SLC6A7: variants seen among roughly 807,000 people sequenced by gnomAD.
SLC6A7 encodes the protein sodium-dependent proline transporter.
A neutral mutation model predicts 73.1 loss-of-function variants in SLC6A7; 58 were observed. The observed-to-expected ratio is 0.79, with a 90% CI of 0.64 to 0.99. The LOEUF (loss-of-function observed/expected upper bound fraction) is 0.99, where lower values mean the gene tolerates loss of function less well. Ranked by LOEUF, SLC6A7 falls within the 50% of genes least tolerant of loss-of-function variation. The pLI is 0.00. For missense variants in SLC6A7, 783 were observed against 831.4 expected (o/e 0.94, Z 0.72); for synonymous variants, 338 against 338.7 (o/e 1.00, Z 0.02).
chr5:150,206,894 C>T (rs1175232018), intron 13 of SLC6A7, among the ~76,000 whole-genome samples: 2 of 152,182 alleles, frequency 1.3e-5, no homozygotes, highest in Non-Finnish European at 2.9e-5. Flanking sequence ...CAGTCACCAC[C>T]GCCCCGCTGC....
At chr5:150,203,184 G>C (rs1440576141) in intron 8 of SLC6A7, among the ~76,000 whole-genome samples, 2 of 152,216 alleles carry the variant, frequency 1.3e-5, no homozygotes, top group Non-Finnish European at 2.9e-5. Context: ...TGTGCAAGGG[G>C]ATGGGTGAGC....
chr5:150,191,962 A>C (rs1443084611), intron 1 of SLC6A7, among the ~76,000 whole-genome samples: 1 of 151,808 alleles, frequency 6.6e-6, no homozygotes, highest in Non-Finnish European at 1.5e-5. Flanking sequence ...TTTATAAATA[A>C]GGCAACTGAG....
intron 6 of SLC6A7, 67 bp downstream of exon 6, chr5:150,201,290 C>T: frequency 7.8e-7 from 1 of 1,288,268 alleles, no homozygotes; most frequent in Non-Finnish European, 1.1e-6. Flanking sequence ...AAAGAGGGCT[C>T]CCTGGGACAC....
rs1476285947 is a variant in SLC6A7, at chr5:150,203,684, G to C, written c.1105G>C (p.Val369Leu). Reference sequence around the variant, plus strand: ...TGGCCCAGGCCCTGGCCTGGCCTTTGTCGTCTACCCACAGGCCATGACCAT... The same window carrying C: ...TGGCCCAGGCCCTGGCCTGGCCTTTCTCGTCTACCCACAGGCCATGACCAT... ...VAKAGPGLAF[V>L]VYPQAMTMLP... The change falls in exon 9 of 14, where the codon GTC (valine) becomes CTC (leucine). Residue 369 changes from valine (V) to leucine (L), a missense_variant. Transcript: ENST00000230671. 4.3e-6 allele frequency: 7 copies of C among 1,610,530 alleles called. No homozygotes were observed. Among genetic ancestry groups the C allele is most frequent in the Admixed American group, 1.7e-5 (1 of 59,984 alleles).
rs149966725 is a variant in SLC6A7 at position 150,202,430 on chromosome 5, G to T, written c.942G>T (p.Thr314=). 1.2e-6 allele frequency: 2 copies of T among 1,613,972 alleles called. No homozygotes were observed. The highest frequency in any genetic ancestry group is 2.2e-5 in the South Asian group (2 of 91,082). The change falls in exon 7 of 14, where the codon ACG becomes ACT. Residue 314 remains threonine, a synonymous_variant. Transcript: ENST00000230671. ...GGLLTFASYN[T]FHQNIYRDTF... is the part of the protein sequence containing the mutation. ...TCCTCACCTTTGCCTCCTACAACAC[G>T]TTTCACCAGAACATCTATAGGTCAG... is the stretch of plus-strand genomic sequence containing the variant.
intron 8 of SLC6A7, among the ~76,000 whole-genome samples, chr5:150,203,044 A>G (rs1753474947): frequency 6.6e-6 from 1 of 151,444 alleles, no homozygotes; most frequent in African/African-American, 2.4e-5. Context: ...ACTGCCCTCT[A>G]GCATGGGCAA....
At chr5:150,198,100 A>AAAG in intron 4 of SLC6A7, among the ~76,000 whole-genome samples, 1 of 105,692 alleles carries the variant, frequency 9.5e-6, no homozygotes, top group South Asian at 2.9e-4. Context: ...AGAAAGAAAG[A>AAAG]AAGAAAGAAA....
chr5:150,205,134 G>A (rs1472455145), intron 12 of SLC6A7, among the ~76,000 whole-genome samples: 5 of 152,254 alleles, frequency 3.3e-5, no homozygotes, highest in Admixed American at 6.5e-5. Flanking sequence ...GGTTAAATGC[G>A]TGGGTCTTTC....
At chr5:150,198,436 T>C in intron 4 of SLC6A7, among the ~76,000 whole-genome samples, 1 of 152,220 alleles carries the variant, frequency 6.6e-6, no homozygotes, top group Non-Finnish European at 1.5e-5. Flanking sequence ...ATCTGAAGTG[T>C]CCGCACCTGC....
Position 150,204,848 on chromosome 5 carries a change from A to G in SLC6A7, c.1454A>G (p.Asp485Gly). ...GCAGGCATTCAGAGGTTCTGCCGAGACATCCACATGATGCTGGGCTTCAAG... is the reference window on the plus strand; with the variant it reads ...GCAGGCATTCAGAGGTTCTGCCGAGGCATCCACATGATGCTGGGCTTCAAG... Reference protein sequence around the residue: ...RVYGIQRFCRDIHMMLGFKPG... With the variant: ...RVYGIQRFCRGIHMMLGFKPG... The change falls in exon 12 of 14, where the codon GAC (aspartate) becomes GGC (glycine). Residue 485 changes from aspartate to glycine, a missense_variant. Physicochemically the swap from Asp to Gly is moderately conservative, Grantham distance 94. Coordinates refer to ENST00000230671, the MANE Select transcript of SLC6A7 (RefSeq NM_014228.5). 6.2e-7 allele frequency: 1 copy of G among 1,612,610 alleles called. No homozygotes were observed. The highest frequency in any genetic ancestry group is 1.7e-5 in the Admixed American group (1 of 59,968).
Position 150,199,368 on chromosome 5 carries a change from T to G in SLC6A7, c.723+2T>G. On this transcript the variant is annotated splice_donor_variant, in intron 5 of 13. Coordinates refer to ENST00000230671, the MANE Select transcript of SLC6A7 (RefSeq NM_014228.5). LOFTEE classifies it high-confidence loss of function. ...AAGGGTGTGAAGTCTTCGGGCAAGG[T>G]GAAGCCTGGGAGGCCCCGGAGGCCT... 2.5e-6 allele frequency: 4 copies of G among 1,611,928 alleles called. No individual in the cohort carries two copies. Among genetic ancestry groups the G allele is most frequent in the Non-Finnish European group, 3.4e-6 (4 of 1,178,568 alleles).
At chr5:150,195,090 T>C in intron 2 of SLC6A7, 179 bp downstream of exon 2, 1 of 566,774 alleles carries the variant, frequency 1.8e-6, no homozygotes, top group Non-Finnish European at 3.1e-6. Flanking sequence ...CTTGTCCTTC[T>C]CATCACCCAA....
intron 13 of SLC6A7, among the ~76,000 whole-genome samples, chr5:150,208,654 A>G (rs1753813749): frequency 6.6e-6 from 1 of 152,198 alleles, no homozygotes; most frequent in African/African-American, 2.4e-5. Flanking sequence ...CTCCCTCGGA[A>G]CCTGCCCAGT....
chr5:150,201,007 C>A, intron 5 of SLC6A7, 82 bp from the exon 6 acceptor site: 1 of 1,484,010 alleles, frequency 6.7e-7, no homozygotes, highest in African/African-American at 1.4e-5. Flanking sequence ...GCTGGGGAGG[C>A]AAGTGACACA....
rs192335462 is a variant in SLC6A7 at position 150,204,075 on chromosome 5, G to C, written c.1332+37G>C. On this transcript the variant is annotated intron_variant, in intron 10 of 13. Coordinates refer to ENST00000230671, the MANE Select transcript of SLC6A7 (RefSeq NM_014228.5). ...TACAGGGAGGATGGCAGGTGGGCGG[G>C]ACAAGGGCAGACGCCTGCAACGAGA... 1.4e-3 allele frequency: 2,231 copies of C among 1,588,758 alleles called. 24 individuals carry two copies. The Middle Eastern group carries it at 0.023, about 16-fold the overall frequency.
intron 2 of SLC6A7, 138 bp from the exon 3 acceptor site, chr5:150,196,578 T>C: frequency 1.2e-6 from 1 of 830,052 alleles, no homozygotes; most frequent in Non-Finnish European, 1.9e-6. Context: ...CTCAGCAGTC[T>C]GGTATAGAAG....
intron 12 of SLC6A7, 148 bp from the exon 13 acceptor site, chr5:150,205,308 C>T: frequency 1.6e-6 from 1 of 623,522 alleles, no homozygotes; most frequent in South Asian, 2.1e-5. Flanking sequence ...CAAAGATGGC[C>T]CACTTCAGGG....
At chr5:150,198,097 A>AAGAAAGAAAG (rs1554115605) in intron 4 of SLC6A7, among the ~76,000 whole-genome samples, 2 of 108,188 alleles carry the variant, frequency 1.8e-5, no homozygotes, top group African/African-American at 6.9e-5. Flanking sequence ...GAAAGAAAGA[A>AAGAAAGAAAG]AGAAAGAAAG....
rs374513518 is a variant in SLC6A7 at position 150,204,594 on chromosome 5, G to C, written c.1395G>C (p.Val465=). Residue 465 remains valine, a synonymous_variant, in exon 11 of 14, where the codon GTG becomes GTC. Coordinates refer to ENST00000230671, the MANE Select transcript of SLC6A7 (RefSeq NM_014228.5). Reference sequence around the variant, plus strand: ...GCGCCAGCTTCGGGCTGATGGTGGTGGTTATCACCACGTGCCTTGCCGTGA... The same window carrying C: ...GCGCCAGCTTCGGGCTGATGGTGGTCGTTATCACCACGTGCCTTGCCGTGA... ...DYSASFGLMV[V]VITTCLAVTR... 6.8e-6 allele frequency: 11 copies of C among 1,613,742 alleles called. No individual in the cohort carries two copies. The highest frequency in any genetic ancestry group is 9.3e-6 in the Non-Finnish European group (11 of 1,179,698).
Sources: gnomAD v4.1 joint callset for allele counts (sites outside exome capture counted in the v4.1 genomes callset) on GRCh38, gnomAD v4.1.1 for gene constraint, MANE v1.5 for transcripts, NCBI Gene and HGNC (gene_info 2026-07-23, HGNC 2026-07-21) for gene names.